NAV3: variants seen among roughly 807,000 people sequenced by gnomAD.
NAV3 encodes the protein neuron navigator 3.
A neutral mutation model predicts 244.7 loss-of-function variants in NAV3; 87 were observed. That is an observed-to-expected ratio of 0.36 (90% CI 0.30 to 0.42). NAV3 has a LOEUF of 0.42. Ranked by LOEUF, NAV3 falls within the 20% of genes least tolerant of loss-of-function variation. The pLI is 1.00. For missense variants in NAV3, 2,663 were observed against 2,893.3 expected (o/e 0.92, Z 1.83); for synonymous variants, 1,126 against 1,042.2 (o/e 1.08, Z -1.55).
Position 78,191,503 on chromosome 12 carries a change from A to G in NAV3, c.6291+1284A>G, listed in dbSNP as rs192531112. Among the ~76,000 whole-genome samples the G allele has an allele frequency of 4.6e-3, 696 of 152,280 alleles. 2 individuals are homozygous for G. The highest frequency in any genetic ancestry group is 0.013 in the African/African-American group (529 of 41,576). On this transcript the variant is annotated intron_variant, in intron 34 of 39. Transcript: ENST00000397909. ...CAAAACCGTTTTATATGTGTCCTTCAAAAACAACGATGTACATAAAGCACA... is the reference window on the plus strand; with the variant it reads ...CAAAACCGTTTTATATGTGTCCTTCGAAAACAACGATGTACATAAAGCACA...
intron 21 of NAV3, among the ~76,000 whole-genome samples, chr12:78,148,288 A>G (rs1341040882): frequency 6.6e-6 from 1 of 152,076 alleles, no homozygotes; most frequent in African/African-American, 2.4e-5. Context: ...TCCAGCCAAT[A>G]ACAATTTAAA....
intron 2 of NAV3, among the ~76,000 whole-genome samples, chr12:77,804,721 A>G (rs574017598): frequency 4.0e-4 from 61 of 152,078 alleles, no homozygotes; most frequent in Non-Finnish European, 7.8e-4. Flanking sequence ...AGTCAGTGGT[A>G]GCTTGATGGG....
chr12:77,791,998 C>T (rs934838674), intron 2 of NAV3, among the ~76,000 whole-genome samples: 1 of 152,120 alleles, frequency 6.6e-6, no homozygotes, highest in Non-Finnish European at 1.5e-5. Context: ...GAACCAATCC[C>T]CTGTGGATAT....
chr12:77,706,858 G>A (rs1400602106), intron 2 of NAV3, among the ~76,000 whole-genome samples: 5 of 103,744 alleles, frequency 4.8e-5, no homozygotes, highest in African/African-American at 1.6e-4. Flanking sequence ...GCAACAGAGT[G>A]AGACTCTGTT....
chr12:77,572,503 C>T (rs1292163145), intron 2 of NAV3, among the ~76,000 whole-genome samples: 5 of 152,126 alleles, frequency 3.3e-5, no homozygotes, highest in African/African-American at 9.7e-5. Context: ...TGTGTTCTCT[C>T]ACTCTTGACT....
At chr12:78,132,022 T>C (rs1956186795) in intron 18 of NAV3, among the ~76,000 whole-genome samples, 1 of 152,184 alleles carries the variant, frequency 6.6e-6, no homozygotes, top group Admixed American at 6.5e-5. Flanking sequence ...ACTATGACAT[T>C]GTTATCAAGG....
intron 8 of NAV3, among the ~76,000 whole-genome samples, chr12:78,020,014 A>T (rs888167716): frequency 2.0e-5 from 3 of 152,200 alleles, no homozygotes; most frequent in Non-Finnish European, 4.4e-5. Context: ...GGCATAAATA[A>T]ATAATAACCA....
At chr12:78,047,295 G>T (rs1881979012) in intron 9 of NAV3, among the ~76,000 whole-genome samples, 1 of 152,074 alleles carries the variant, frequency 6.6e-6, no homozygotes, top group Non-Finnish European at 1.5e-5. Flanking sequence ...AGACCATCCT[G>T]GCTAACACGG....
intron 2 of NAV3, among the ~76,000 whole-genome samples, chr12:77,647,479 T>C (rs1422732392): frequency 6.6e-6 from 1 of 152,014 alleles, no homozygotes; most frequent in Non-Finnish European, 1.5e-5. Context: ...TTTTGTTTTT[T>C]TTTGCCCAAA....
chr12:77,766,316 T>A (rs1869749856), intron 2 of NAV3, among the ~76,000 whole-genome samples: 1 of 152,190 alleles, frequency 6.6e-6, no homozygotes, highest in Admixed American at 6.5e-5. Context: ...CACCTTTTTC[T>A]CTCTCTTCAT....
At chr12:77,708,869 A>G (rs933954410) in intron 2 of NAV3, among the ~76,000 whole-genome samples, 4 of 152,032 alleles carry the variant, frequency 2.6e-5, no homozygotes, top group African/African-American at 9.7e-5. Context: ...TTTGTCTGTT[A>G]TTGGTGTATA....
chr12:77,809,328 G>A (rs1872165152), intron 2 of NAV3, among the ~76,000 whole-genome samples: 1 of 152,224 alleles, frequency 6.6e-6, no homozygotes, highest in Non-Finnish European at 1.5e-5. Flanking sequence ...CTCCTGGTCT[G>A]TGGGTTGCAA....
chr12:78,044,519 G>C (rs545107187), intron 9 of NAV3, among the ~76,000 whole-genome samples: 17 of 152,056 alleles, frequency 1.1e-4, no homozygotes, highest in Non-Finnish European at 2.2e-4. Context: ...AATTACTTTG[G>C]GCAGTATGAC....
In NAV3 at chr12:77,615,273, G is replaced by A. The variant is rs181114021; in HGVS notation, c.72+43007G>A. On this transcript the variant is annotated intron_variant, in intron 2 of 8. Coordinates refer to the NAV3 transcript ENST00000550042. ...TTTATTTATTTATTTTTTTGGGTTC[G>A]GGAGTACATGTACAGGTTTGTTACA... Among the ~76,000 whole-genome samples, 12 of 151,842 alleles carry A rather than the reference G, an allele frequency of 7.9e-5. No homozygotes were observed. In the East Asian group the frequency reaches 9.7e-4, roughly 12 times the overall value.
chr12:77,714,928 T>C (rs1876293914), intron 2 of NAV3, among the ~76,000 whole-genome samples: 1 of 152,082 alleles, frequency 6.6e-6, no homozygotes, highest in African/African-American at 2.4e-5. Flanking sequence ...ACGAAGTACC[T>C]TTACTTAAAA....
At chr12:77,925,161 A>C (rs1328460317) in intron 1 of NAV3, among the ~76,000 whole-genome samples, 1 of 152,116 alleles carries the variant, frequency 6.6e-6, no homozygotes, top group Non-Finnish European at 1.5e-5. Context: ...AACTAGTGAG[A>C]ATTTTTACTT....
intron 1 of NAV3, among the ~76,000 whole-genome samples, chr12:77,871,237 A>G (rs962747024): frequency 2.0e-5 from 3 of 152,206 alleles, no homozygotes; most frequent in Non-Finnish European, 2.9e-5. Flanking sequence ...AAGTCAGCAT[A>G]TAAGAAGAAG....
chr12:78,050,479 G>A (rs1882572940), intron 10 of NAV3, among the ~76,000 whole-genome samples: 1 of 152,160 alleles, frequency 6.6e-6, no homozygotes, highest in African/African-American at 2.4e-5. Context: ...TTCAGAATAG[G>A]TCTGGGAAGG....
intron 1 of NAV3, among the ~76,000 whole-genome samples, chr12:77,935,771 T>G (rs1015039435): frequency 3.9e-5 from 6 of 152,138 alleles, no homozygotes; most frequent in African/African-American, 1.4e-4. Context: ...TGGGGAGGCC[T>G]CAGGAAACTT....
Sources: allele counts gnomAD v4.1 joint callset (sites outside exome capture counted in the v4.1 genomes callset), GRCh38; gene constraint gnomAD v4.1.1; transcripts MANE v1.5; gene names NCBI Gene and HGNC (gene_info 2026-07-23, HGNC 2026-07-21).